The following FRMD3 variants were observed in gnomAD, a reference collection of about 807,000 sequenced individuals.
FRMD3 encodes FERM domain-containing protein 3.
A neutral mutation model predicts 70.2 loss-of-function variants in FRMD3; 33 were observed. The ratio of observed to expected loss-of-function variants is 0.47; its 90% confidence interval spans 0.36 to 0.63. FRMD3 has a LOEUF of 0.63. FRMD3 is among the 20% of genes least tolerant of loss of function. The pLI is 0.00. For missense variants in FRMD3, 632 were observed against 711.4 expected (o/e 0.89, Z 1.27); for synonymous variants, 279 against 255.9 (o/e 1.09, Z -0.86).
chr9:83,313,293 T>C (rs373048522), intron 7 of FRMD3, among the ~76,000 whole-genome samples: 1 of 152,106 alleles, frequency 6.6e-6, no homozygotes, highest in Non-Finnish European at 1.5e-5. Flanking sequence ...GAAATCTTTC[T>C]TTTTTTTCCT....
At chr9:83,300,652 T>C (rs1055399840) in intron 10 of FRMD3, among the ~76,000 whole-genome samples, 2 of 152,220 alleles carry the variant, frequency 1.3e-5, no homozygotes, top group Non-Finnish European at 2.9e-5. Context: ...AATTCATCCA[T>C]GTAATTGAAA....
At chr9:83,579,147 T>C in the FRMD3 span, among the ~76,000 whole-genome samples, 3 of 151,846 alleles carry the variant, frequency 2.0e-5, no homozygotes, top group Admixed American at 1.3e-4. Context: ...AAATCACTGA[T>C]GAAATAATAG....
chr9:83,504,268 A>G (rs998642173), intron 1 of FRMD3, among the ~76,000 whole-genome samples: 4 of 152,062 alleles, frequency 2.6e-5, no homozygotes, highest in Admixed American at 6.5e-5. Context: ...ACTTCTCACT[A>G]TCCAAGGGCA....
the FRMD3 span, among the ~76,000 whole-genome samples, chr9:83,553,276 C>T: frequency 1.3e-5 from 2 of 152,106 alleles, no homozygotes; most frequent in East Asian, 3.8e-4. Flanking sequence ...AGATATTTTT[C>T]TTTAAGAATG....
chr9:83,365,859 C>G (rs907396205), intron 3 of FRMD3, among the ~76,000 whole-genome samples: 2 of 152,292 alleles, frequency 1.3e-5, no homozygotes, highest in Admixed American at 1.3e-4. Context: ...GAGGTGAATA[C>G]AGATGTGCTG....
intron 13 of FRMD3, among the ~76,000 whole-genome samples, chr9:83,265,112 C>G (rs1304499223): frequency 6.6e-6 from 1 of 151,940 alleles, no homozygotes; most frequent in Non-Finnish European, 1.5e-5. Flanking sequence ...TAAAAAGTGC[C>G]CGTGTCGGCC....
At chr9:83,397,276 A>T (rs2131311572) in intron 1 of FRMD3, among the ~76,000 whole-genome samples, 1 of 152,114 alleles carries the variant, frequency 6.6e-6, no homozygotes, top group South Asian at 2.1e-4. Context: ...CGCTTCTTCC[A>T]TTTCCCTCAA....
chr9:83,342,783 C>T (rs62563652), intron 5 of FRMD3, among the ~76,000 whole-genome samples: 32,054 of 151,990 alleles, frequency 0.21, 3,749 homozygotes, highest in Non-Finnish European at 0.26. Context: ...TTGTTTAACA[C>T]CTATCTTCCT....
intron 6 of FRMD3, among the ~76,000 whole-genome samples, chr9:83,320,562 T>G (rs771566131): frequency 6.6e-6 from 1 of 152,086 alleles, no homozygotes; most frequent in Non-Finnish European, 1.5e-5. Context: ...GCAAATAAAA[T>G]TTGCTGATTT....
At chr9:83,403,659 A>G (rs1369740645) in intron 1 of FRMD3, among the ~76,000 whole-genome samples, 6 of 152,182 alleles carry the variant, frequency 3.9e-5, no homozygotes, top group Non-Finnish European at 8.8e-5. Flanking sequence ...TCACATAAGT[A>G]ATATGACAGA....
At chr9:83,354,916 C>G (rs1205446875) in intron 3 of FRMD3, among the ~76,000 whole-genome samples, 1 of 152,118 alleles carries the variant, frequency 6.6e-6, no homozygotes, top group Non-Finnish European at 1.5e-5. Context: ...AAAATCAAAT[C>G]ATTTAAAATT....
intron 1 of FRMD3, among the ~76,000 whole-genome samples, chr9:83,453,334 C>T (rs1827722815): frequency 6.6e-6 from 1 of 152,056 alleles, no homozygotes; most frequent in Non-Finnish European, 1.5e-5. Flanking sequence ...TATATCTCCT[C>T]AAAAGCATAC....
In FRMD3 at chr9:83,495,128, T is replaced by C. The variant is rs4097645; in HGVS notation, c.147+42957A>G. 2.2e-3 allele frequency among the ~76,000 whole-genome samples: 339 copies of C among 152,282 alleles called. 2 individuals carry two copies. Among genetic ancestry groups the C allele is most frequent in the East Asian group, 0.018 (93 of 5,186 alleles). ...CCTCTACATTTATCTTTGTCATGAT[T>C]GCACTCTCTTTTTCTGAGTCCAGCC... On this transcript the variant is annotated intron_variant, in intron 1 of 13. Coordinates refer to ENST00000304195, the MANE Select transcript of FRMD3 (RefSeq NM_174938.6).
intron 1 of FRMD3, among the ~76,000 whole-genome samples, chr9:83,478,394 A>T (rs1285094714): frequency 1.3e-5 from 2 of 152,226 alleles, no homozygotes; most frequent in Non-Finnish European, 2.9e-5. Context: ...TGAGACACAT[A>T]AAATGATGCT....
chr9:83,250,528 C>T (rs2118532045), intron 13 of FRMD3, among the ~76,000 whole-genome samples: 1 of 152,298 alleles, frequency 6.6e-6, no homozygotes, highest in Middle Eastern at 3.4e-3. Flanking sequence ...TTCCATGGCA[C>T]CTCACAAGTT....
chr9:83,291,971 T>G (rs1834437520), intron 12 of FRMD3, among the ~76,000 whole-genome samples: 2 of 152,166 alleles, frequency 1.3e-5, no homozygotes, highest in Admixed American at 1.3e-4. Flanking sequence ...AAAGGAAATT[T>G]ATGAGGACTT....
intron 1 of FRMD3, among the ~76,000 whole-genome samples, chr9:83,433,672 A>G (rs1047918978): frequency 2.0e-5 from 3 of 152,350 alleles, no homozygotes; most frequent in East Asian, 1.9e-4. Flanking sequence ...AGACAGTCCA[A>G]TCTGAGGGTG....
chr9:83,584,265 C>G, the FRMD3 span, among the ~76,000 whole-genome samples: 3 of 151,948 alleles, frequency 2.0e-5, no homozygotes, highest in African/African-American at 7.3e-5. Flanking sequence ...GAGCTAAGAT[C>G]GCACCACTGC....
At chr9:83,467,923 T>C (rs1442130942) in intron 1 of FRMD3, among the ~76,000 whole-genome samples, 1 of 152,168 alleles carries the variant, frequency 6.6e-6, no homozygotes, top group Non-Finnish European at 1.5e-5. Context: ...ATGCAAGCTT[T>C]TCTGTTTCTC....
Sources: gnomAD v4.1 joint callset for allele counts (sites outside exome capture counted in the v4.1 genomes callset) on GRCh38, gnomAD v4.1.1 for gene constraint, MANE v1.5 for transcripts, NCBI Gene and HGNC (gene_info 2026-07-23, HGNC 2026-07-21) for gene names.